The following NDUFAF2 variants were observed in gnomAD, a reference collection of about 807,000 sequenced individuals.
NDUFAF2 encodes the protein NADH dehydrogenase [ubiquinone] 1 alpha subcomplex assembly factor 2.
In NDUFAF2, 13 loss-of-function variants were observed where a neutral mutation model predicts 22.8. The ratio of observed to expected loss-of-function variants is 0.57; its 90% CI spans 0.37 to 0.91. NDUFAF2 has a LOEUF of 0.91. NDUFAF2 is among the 40% of genes least tolerant of loss of function. NDUFAF2 has a pLI of 0.01. For synonymous variants in NDUFAF2, 53 were observed against 64.2 expected (o/e 0.83, Z 0.84); for missense variants, 162 against 195.2 (o/e 0.83, Z 1.01).
chr5:60,961,897 G>T (rs1472086425), intron 1 of NDUFAF2, among the ~76,000 whole-genome samples: 2 of 151,100 alleles, frequency 1.3e-5, no homozygotes, highest in African/African-American at 4.9e-5. Flanking sequence ...GGAGTTTGAG[G>T]TTACAGTTAA....
At chr5:60,965,512 C>T (rs763403746) in intron 1 of NDUFAF2, among the ~76,000 whole-genome samples, 6 of 152,098 alleles carry the variant, frequency 3.9e-5, no homozygotes, top group South Asian at 2.1e-4. Context: ...CTTTGACCAG[C>T]GTCTCCCCAT....
At chr5:61,078,566 G>A (rs1025276413) in intron 2 of NDUFAF2, among the ~76,000 whole-genome samples, 6 of 151,944 alleles carry the variant, frequency 3.9e-5, no homozygotes, top group South Asian at 2.1e-4. Context: ...CATGTGAAAC[G>A]CCATCTCTAC....
At chr5:61,041,212 A>T (rs568906524) in intron 1 of NDUFAF2, among the ~76,000 whole-genome samples, 60 of 152,328 alleles carry the variant, frequency 3.9e-4, no homozygotes, top group African/African-American at 1.4e-3. Context: ...ATTATAGCTT[A>T]CATTTCTGAG....
intron 1 of NDUFAF2, among the ~76,000 whole-genome samples, chr5:61,038,264 A>T (rs1328548462): frequency 6.6e-6 from 1 of 152,188 alleles, no homozygotes; most frequent in East Asian, 1.9e-4. Context: ...AGACTAAGTG[A>T]AAGTATAAAA....
chr5:61,018,592 A>C (rs555840400), intron 1 of NDUFAF2, among the ~76,000 whole-genome samples: 2 of 152,180 alleles, frequency 1.3e-5, no homozygotes, highest in Middle Eastern at 3.2e-3. Context: ...TAAGCTATAT[A>C]AATGGCAATA....
intron 1 of NDUFAF2, among the ~76,000 whole-genome samples, chr5:61,066,684 A>G (rs1752232454): frequency 6.6e-6 from 1 of 152,134 alleles, no homozygotes; most frequent in Non-Finnish European, 1.5e-5. Context: ...ACCTATCCAC[A>G]TACTTCTGTA....
At chr5:61,026,461 T>C (rs1318750322) in intron 1 of NDUFAF2, among the ~76,000 whole-genome samples, 2 of 152,192 alleles carry the variant, frequency 1.3e-5, no homozygotes, top group Middle Eastern at 3.4e-3. Context: ...AAATCTAATA[T>C]GTGTGTAAAA....
At chr5:61,005,653 C>T (rs1211947781) in intron 1 of NDUFAF2, among the ~76,000 whole-genome samples, 3 of 152,152 alleles carry the variant, frequency 2.0e-5, no homozygotes, top group Non-Finnish European at 2.9e-5. Context: ...GATGGTATCT[C>T]ATTGAGGTTT....
chr5:61,121,977 T>C (rs1217418710), intron 3 of NDUFAF2, among the ~76,000 whole-genome samples: 3 of 151,966 alleles, frequency 2.0e-5, no homozygotes, highest in Non-Finnish European at 4.4e-5. Context: ...ATTACAGGCA[T>C]GTGCCACCAC....
rs1248082385 is a variant in NDUFAF2, at chr5:61,085,476, T to A, written c.217+12262T>A. ...GGTGAAAGGCAGAACACTTTCCCCC[T>A]AAGATTGGGAACAAGACAAGGATAT... On this transcript the variant is annotated intron_variant, in intron 2 of 3. Coordinates refer to ENST00000296597, the MANE Select transcript of NDUFAF2 (RefSeq NM_174889.5). Among the ~76,000 whole-genome samples the A allele has an allele frequency of 2.6e-5, 4 of 152,262 alleles. No homozygotes were observed. The South Asian group carries it at 6.2e-4, about 24-fold the overall frequency.
chr5:61,143,847 A>G (rs966917062), intron 3 of NDUFAF2, among the ~76,000 whole-genome samples: 2 of 152,114 alleles, frequency 1.3e-5, no homozygotes, highest in African/African-American at 2.4e-5. Flanking sequence ...GAACATAGTT[A>G]TATATGATAT....
chr5:61,138,269 G>GAGGCAATAAT (rs71606669), intron 3 of NDUFAF2, among the ~76,000 whole-genome samples: 116,092 of 151,564 alleles, frequency 0.77, 44,759 homozygotes, highest in East Asian at 1. Context: ...GACTTATTAG[G>GAGGCAATAAT]AGTCCAAGCA....
intron 3 of NDUFAF2, among the ~76,000 whole-genome samples, chr5:61,136,922 G>A (rs778805984): frequency 2.0e-5 from 3 of 152,108 alleles, no homozygotes; most frequent in Non-Finnish European, 2.9e-5. Context: ...AGGTGAATAT[G>A]GTCCTCAGAC....
At chr5:60,963,520 A>G (rs1451748590) in intron 1 of NDUFAF2, among the ~76,000 whole-genome samples, 1 of 152,188 alleles carries the variant, frequency 6.6e-6, no homozygotes, top group African/African-American at 2.4e-5. Flanking sequence ...TTGTATAGCT[A>G]GGTCCCTGAC....
intron 1 of NDUFAF2, among the ~76,000 whole-genome samples, chr5:61,004,521 T>G (rs1472730479): frequency 1.3e-5 from 2 of 152,104 alleles, no homozygotes; most frequent in African/African-American, 4.8e-5. Context: ...ACATTAGAAC[T>G]GAAGGATTTT....
At chr5:61,051,371 C>A (rs1443163651) in intron 1 of NDUFAF2, among the ~76,000 whole-genome samples, 2 of 152,012 alleles carry the variant, frequency 1.3e-5, no homozygotes, top group Admixed American at 1.3e-4. Context: ...ACCATCTGAC[C>A]CCTGAGACCA....
chr5:61,020,076 A>C (rs1751559460), intron 1 of NDUFAF2, among the ~76,000 whole-genome samples: 1 of 152,114 alleles, frequency 6.6e-6, no homozygotes, highest in Non-Finnish European at 1.5e-5. Flanking sequence ...ATACTGTTTA[A>C]GTTTTCAAGT....
intron 2 of NDUFAF2, among the ~76,000 whole-genome samples, chr5:61,092,751 A>T (rs2080869): frequency 0.6 from 90,807 of 151,976 alleles, 27,869 homozygotes; most frequent in East Asian, 0.94. Context: ...ACTATGTTGA[A>T]TACAAGTAGT....
At chr5:61,074,318 G>A (rs756876999) in intron 2 of NDUFAF2, among the ~76,000 whole-genome samples, 2 of 152,196 alleles carry the variant, frequency 1.3e-5, no homozygotes, top group Admixed American at 6.5e-5. Flanking sequence ...GCCAGGTGTG[G>A]TGGCTCATGC....
Sources: allele counts gnomAD v4.1 joint callset (sites outside exome capture counted in the v4.1 genomes callset), GRCh38; gene constraint gnomAD v4.1.1; transcripts MANE v1.5; gene names NCBI Gene and HGNC (gene_info 2026-07-23, HGNC 2026-07-21).